Variants in CCDC9 observed in about 807,000 individuals in gnomAD.
CCDC9 encodes coiled-coil domain containing 9.
A neutral mutation model predicts 65.6 loss-of-function variants in CCDC9; 52 were observed. That is an observed-to-expected ratio of 0.79 (90% CI 0.63 to 1.00). The LOEUF is 1.00. Ranked by LOEUF, CCDC9 falls within the 50% of genes least tolerant of loss-of-function variation. The pLI, the probability that CCDC9 is intolerant of heterozygous loss-of-function variation, is 0.00. For missense variants in CCDC9, 834 were observed against 757.2 expected, an observed-to-expected ratio of 1.10 and a Z score of -1.19; for synonymous variants, 332 against 280.3, an observed-to-expected ratio of 1.18 and a Z score of -1.84.
chr19:47,270,694 G>C lies in CCDC9; in HGVS notation c.1085+6G>C. On this transcript the variant is annotated splice_donor_region_variant and intron_variant, in intron 10 of 11. Transcript: ENST00000221922. ...GCAGCGCCCAGGGCCTACAGGTGGGGCACCCCTTCTGCGGGCTTGCATACC... is the reference window on the plus strand; with the variant it reads ...GCAGCGCCCAGGGCCTACAGGTGGGCCACCCCTTCTGCGGGCTTGCATACC... 6.2e-7 allele frequency: 1 copy of C among 1,608,526 alleles called. No homozygotes were observed. Among genetic ancestry groups the C allele is most frequent in the Non-Finnish European group, 8.5e-7 (1 of 1,179,058 alleles).
chr19:47,275,559 C>T (rs532033575), downstream of CCDC9: 90 of 632,122 alleles, frequency 1.4e-4, 1 homozygote, highest in South Asian at 1.3e-3. Flanking sequence ...GGTCCTCCAC[C>T]ATCAGGAAGA....
chr19:47,259,634 CTTCATGTATTCA>C (rs1350141856), intron 3 of CCDC9, among the ~76,000 whole-genome samples: 1 of 152,144 alleles, frequency 6.6e-6, no homozygotes, highest in Non-Finnish European at 1.5e-5. Flanking sequence ...TTTATTCATT[CTTCATGTATTCA>C]TTCATTTTAA....
At chr19:47,256,691 C>CGGGCGGGGTGGGTAGCCGCCGGCGG (rs1555801984) in intron 1 of CCDC9, 82 bp downstream of exon 1, 1 of 122,558 alleles carries the variant, frequency 8.2e-6, no homozygotes, top group Non-Finnish European at 1.7e-5. Context: ...CGAACAGGCC[C>CGGGCGGGGTGGGTAGCCGCCGGCGG]GGGCGGGGTC....
chr19:47,258,704 C>T lies in CCDC9; in HGVS notation c.108+41C>T. 3 of 1,469,208 alleles carry T rather than the reference C, an allele frequency of 2.0e-6. 1 individual carries two copies. Among genetic ancestry groups the T allele is most frequent in the Admixed American group, 1.7e-5 (1 of 59,740 alleles). 91.0% of individuals were successfully genotyped at this position (1,469,208 alleles called of 1,614,324 possible). ...CCTGGGAGACCCCATCCCCTCTCTT[C>T]CCCGCAGTGAGTTTTTCTCACCTCT... On this transcript the variant is annotated intron_variant, in intron 3 of 11. Coordinates refer to ENST00000221922, the MANE Select transcript of CCDC9 (RefSeq NM_015603.3).
downstream of CCDC9, chr19:47,273,968 C>G (rs1440234591): frequency 1.0e-6 from 1 of 984,724 alleles, no homozygotes; most frequent in Admixed American, 6.2e-5. Context: ...TCCCGCAGGC[C>G]TCCCCGAATT....
At chr19:47,273,395 G>A, downstream of CCDC9, 1 of 1,231,850 alleles carries the variant, frequency 8.1e-7, no homozygotes, top group Non-Finnish European at 1.0e-6. Context: ...GGAGATCACC[G>A]ACTTCCAGAG....
At position 47,260,738 on chromosome 19, in the gene CCDC9, C is replaced by G; in HGVS notation, c.361C>G (p.Arg121Gly). 1 of 1,602,226 alleles carries G rather than the reference C, an allele frequency of 6.2e-7. No homozygotes were observed. The highest frequency in any genetic ancestry group is 1.1e-5 in the South Asian group (1 of 89,746). Residue 121 changes from arginine to glycine, a missense_variant, in exon 5 of 12, where the codon CGA becomes GGA. By Grantham distance (125) the Arg-to-Gly change is moderately radical. Coordinates refer to ENST00000221922, the MANE Select transcript of CCDC9 (RefSeq NM_015603.3). ...GGAGGGCAGCCCCGGGGAGCAGCCT[C>G]GAGGAGGAGGAGCTGGGGGCCGTGG... ...SWEGSPGEQP[R>G]GGGAGGRGRR...
intron 11 of CCDC9, 32 bp downstream of exon 11, chr19:47,271,219 C>T (rs1410796392): frequency 7.5e-6 from 12 of 1,607,672 alleles, no homozygotes; most frequent in Non-Finnish European, 1.0e-5. Flanking sequence ...GGGCACGGGC[C>T]TGGGGTGGGG....
intron 2 of CCDC9, 67 bp downstream of exon 2, chr19:47,258,470 C>T: frequency 6.2e-7 from 1 of 1,608,574 alleles, no homozygotes; most frequent in Non-Finnish European, 8.5e-7. Context: ...GGATGGGATC[C>T]ATAGGGGCAG....
intron 3 of CCDC9, 106 bp from the exon 4 acceptor site, chr19:47,260,215 A>G (rs1320964061): frequency 4.1e-5 from 31 of 761,764 alleles, no homozygotes; most frequent in Non-Finnish European, 6.3e-5. Context: ...AGAGTCCAGG[A>G]GAGAGGCCTG....
chr19:47,274,476 A>T (rs569136473), downstream of CCDC9: 1 of 153,296 alleles, frequency 6.5e-6, no homozygotes, highest in South Asian at 2.0e-4. Flanking sequence ...GGGCTCGAGC[A>T]CTGGAGTAGA....
chr19:47,275,338 G>C (rs1600299104), downstream of CCDC9: 3 of 1,544,666 alleles, frequency 1.9e-6, no homozygotes, highest in East Asian at 5.0e-5. Flanking sequence ...GAGGGGCGAA[G>C]ACCCGGGTAA....
intron 1 of CCDC9, among the ~76,000 whole-genome samples, chr19:47,257,032 A>G (rs2059014513): frequency 1.0e-5 from 1 of 99,044 alleles, no homozygotes; most frequent in Non-Finnish European, 2.1e-5. Flanking sequence ...CGGGGCCACA[A>G]TGTAGTGGGG....
At chr19:47,272,363 G>C (rs1263248253), downstream of CCDC9, among the ~76,000 whole-genome samples, 1 of 152,212 alleles carries the variant, frequency 6.6e-6, no homozygotes, top group Middle Eastern at 3.4e-3. Context: ...AACTTTATGG[G>C]CCAAGCCAAT....
In CCDC9 at chr19:47,264,817, C is replaced by G; in HGVS notation, c.591C>G (p.Asp197Glu). Reference protein sequence around the residue: ...EPNPVRNFLDDPRRRSGPLEE... With the variant: ...EPNPVRNFLDEPRRRSGPLEE... ...ACCCAGTGCGGAACTTCCTGGACGA[C>G]CCCCGGCGACGCAGCGGGCCCCTGG... Residue 197 changes from aspartate to glutamate, a missense_variant, in exon 7 of 12, where the codon GAC becomes GAG. Asp to Glu is a conservative substitution (Grantham distance 45, BLOSUM62 2). Coordinates refer to ENST00000221922, the MANE Select transcript of CCDC9 (RefSeq NM_015603.3). 6.4e-7 allele frequency: 1 copy of G among 1,565,182 alleles called. No homozygotes were observed. The highest frequency in any genetic ancestry group is 8.7e-7 in the Non-Finnish European group (1 of 1,153,748).
downstream of CCDC9, chr19:47,274,799 T>C (rs1419976403): frequency 3.3e-6 from 2 of 603,820 alleles, no homozygotes; most frequent in Non-Finnish European, 4.0e-6. Flanking sequence ...GTGACCATGC[T>C]GGCGGGGGCG....
chr19:47,270,611 G>A lies in CCDC9; in HGVS notation c.1008G>A (p.Gln336=). The part of the protein sequence containing the change: ...KPPTFGEFLS[Q]HKAEASSRRR... ...CTACTTTTGGGGAGTTCCTGTCCCA[G>A]CACAAAGCTGAGGCCAGCAGCCGCA... is the stretch of plus-strand genomic sequence containing the variant. Residue 336 remains glutamine, a synonymous_variant, in exon 10 of 12, where the codon CAG becomes CAA. Coordinates refer to ENST00000221922, the MANE Select transcript of CCDC9 (RefSeq NM_015603.3). 6.2e-7 allele frequency: 1 copy of A among 1,613,458 alleles called. No homozygotes were observed. Among genetic ancestry groups the A allele is most frequent in the Non-Finnish European group, 8.5e-7 (1 of 1,180,042 alleles).
rs776320958 is a variant in CCDC9 at position 47,260,280 on chromosome 19, A to G, written c.109-41A>G. ...GGGTCTGGGAGTCCGTCTGGCAGACAGGGCACCTGATGCTTCCCTACCCCG... is the reference window on the plus strand; with the variant it reads ...GGGTCTGGGAGTCCGTCTGGCAGACGGGGCACCTGATGCTTCCCTACCCCG... On this transcript the variant is annotated intron_variant, in intron 3 of 11. Coordinates refer to ENST00000221922, the MANE Select transcript of CCDC9 (RefSeq NM_015603.3). The G allele has an allele frequency of 2.1e-5, 30 of 1,434,446 alleles. No homozygotes were observed. In the South Asian group the frequency reaches 3.3e-4, roughly 16 times the overall value. 88.9% of individuals were successfully genotyped at this position (1,434,446 alleles called of 1,614,324 possible).
rs764574063 is a variant in CCDC9, at chr19:47,271,638, C to T, written c.1556C>T (p.Ala519Val). The T allele has an allele frequency of 5.0e-6, 8 of 1,606,896 alleles. No individual in the cohort carries two copies. The highest frequency in any genetic ancestry group is 6.8e-6 in the Non-Finnish European group (8 of 1,176,430). The change falls in exon 12 of 12, where the codon GCC (alanine) becomes GTC (valine). Residue 519 changes from alanine to valine, a missense_variant. By Grantham distance (64) the Ala-to-Val change is moderately conservative. Transcript: ENST00000221922. ...CCCCGGACCACTCACCTGGCTGGCG[C>T]CCTCTCCCCGGGTGAGGCCTGGCCT... ...NSPRTTHLAG[A>V]LSPGEAWPFE...
Sources: allele counts gnomAD v4.1 joint callset (sites outside exome capture counted in the v4.1 genomes callset), GRCh38; gene constraint gnomAD v4.1.1; transcripts MANE v1.5; gene names NCBI Gene and HGNC (gene_info 2026-07-23, HGNC 2026-07-21).